The following NF2 variants were observed in gnomAD, a reference collection of about 807,000 sequenced individuals.
NF2 encodes the protein merlin.
In NF2, 8 loss-of-function variants were observed where a neutral mutation model predicts 83.7. The observed-to-expected ratio is 0.10, with a 90% CI of 0.06 to 0.17. The LOEUF (loss-of-function observed/expected upper bound fraction) is 0.17. Among genes scored for constraint, NF2 ranks in the 10% least tolerant of loss-of-function variants. The probability of loss-of-function intolerance (pLI) is 1.00; values close to 1 mark genes in which losing one functional copy is unlikely to be tolerated. For synonymous variants in NF2, 266 were observed against 269.6 expected (o/e 0.99, Z 0.13); for missense variants, 533 against 744.4 (o/e 0.72, Z 3.31).
intron 1 of NF2, among the ~76,000 whole-genome samples, chr22:29,613,982 C>T (rs2065019565): frequency 6.6e-6 from 1 of 151,032 alleles, no homozygotes; most frequent in African/African-American, 2.4e-5. Flanking sequence ...TAGTCTCGAA[C>T]TCCTGACCTC....
rs1333389416 is a variant in NF2, at chr22:29,603,828, G to C, written c.-171G>C. Reference sequence around the variant, plus strand: ...CCAACTCCCCTTTCCGCTCAGGCAGGGTCCTCGCGGCCCATGCTGGCCGCT... The same window carrying C: ...CCAACTCCCCTTTCCGCTCAGGCAGCGTCCTCGCGGCCCATGCTGGCCGCT... On this transcript the variant is annotated 5_prime_UTR_variant, in exon 1 of 16. Coordinates refer to ENST00000338641, the MANE Select transcript of NF2 (RefSeq NM_000268.4). 3.4e-6 allele frequency: 2 copies of C among 591,092 alleles called. No individual in the cohort carries two copies. The highest frequency in any genetic ancestry group is 1.9e-5 in the African/African-American group (1 of 52,332). The allele number at this position is 591,092 out of a possible 1,614,324, so 36.6% of individuals were successfully genotyped here. A position where few individuals can be genotyped will look rare whatever the true frequency, so the allele number is the denominator to read the frequency against.
intron 1 of NF2, among the ~76,000 whole-genome samples, chr22:29,625,031 C>T (rs1447534715): frequency 6.6e-6 from 1 of 151,628 alleles, no homozygotes; most frequent in Non-Finnish European, 1.5e-5. Flanking sequence ...CTCTGCCTCC[C>T]AGGTTTAAGC....
rs539196092 is a variant in NF2 at position 29,683,281 on chromosome 22, T to C, written c.1737+1680T>C. ...CCAGGGCCCCAGAAGACTGCCTCGTTCCGAAGAGCATGTCATGGGGCTGTA... is the reference window on the plus strand; with the variant it reads ...CCAGGGCCCCAGAAGACTGCCTCGTCCCGAAGAGCATGTCATGGGGCTGTA... On this transcript the variant is annotated intron_variant, in intron 15 of 15. Coordinates refer to ENST00000338641, the MANE Select transcript of NF2 (RefSeq NM_000268.4). 17 of 1,460,614 alleles carry C rather than the reference T, an allele frequency of 1.2e-5. No individual in the cohort carries two copies. The African/African-American group carries it at 2.0e-4, about 17-fold the overall frequency. 90.5% of individuals were successfully genotyped at this position (1,460,614 alleles called of 1,614,324 possible).
At chr22:29,676,967 A>C (rs1401376700) in intron 13 of NF2, among the ~76,000 whole-genome samples, 1 of 152,178 alleles carries the variant, frequency 6.6e-6, no homozygotes, top group African/African-American at 2.4e-5. Context: ...AGATCAGAAA[A>C]CAGGACATCC....
At chr22:29,649,266 G>A (rs371783953) in intron 4 of NF2, among the ~76,000 whole-genome samples, 2 of 152,198 alleles carry the variant, frequency 1.3e-5, no homozygotes, top group African/African-American at 2.4e-5. Flanking sequence ...GCCAGGGAAA[G>A]GGAGAAGGAG....
At chr22:29,690,903 C>A (rs1435264969) in intron 15 of NF2, among the ~76,000 whole-genome samples, 1 of 152,188 alleles carries the variant, frequency 6.6e-6, no homozygotes, top group Non-Finnish European at 1.5e-5. Flanking sequence ...GGCTGCGGGA[C>A]TCCCATGGTT....
intron 1 of NF2, among the ~76,000 whole-genome samples, chr22:29,623,198 G>T (rs543375693): frequency 2.0e-5 from 3 of 152,234 alleles, no homozygotes; most frequent in African/African-American, 7.2e-5. Context: ...TTCCGCCTCA[G>T]CCTCTCAAAG....
At chr22:29,622,725 T>C (rs1272694720) in intron 1 of NF2, among the ~76,000 whole-genome samples, 1 of 141,658 alleles carries the variant, frequency 7.1e-6, no homozygotes, top group African/African-American at 2.6e-5. Flanking sequence ...GCGTGATCTC[T>C]GCTCACTGCA....
chr22:29,639,240 TC>T, intron 3 of NF2, 28 bp downstream of exon 3: 1 of 1,613,754 alleles, frequency 6.2e-7, no homozygotes, highest in Non-Finnish European at 8.5e-7. Context: ...ACCCCCCAGT[TC>T]TGAGAGAACT....
At position 29,694,847 on chromosome 22, in the gene NF2, G is replaced by A. The variant is rs377393360; in HGVS notation, c.*45G>A. The stretch of plus-strand genomic sequence containing the variant: ...AGGACCTGCCACTTCTCCTGCTACC[G>A]GGACCGCGGGATGGACCAGATATCA... On this transcript the variant is annotated 3_prime_UTR_variant, in exon 16 of 16. Transcript: ENST00000338641. This position sits in a 1 kb window ranked among gnomAD's most constrained non-coding sequence, Gnocchi z 4.1. The A allele has an allele frequency of 4.0e-5, 64 of 1,590,326 alleles. No individual in the cohort carries two copies. The highest frequency in any genetic ancestry group is 4.7e-5 in the Non-Finnish European group (55 of 1,163,852).
intron 1 of NF2, among the ~76,000 whole-genome samples, chr22:29,615,689 T>TGTGGTGA (rs1211035930): frequency 2.6e-5 from 4 of 152,124 alleles, no homozygotes; most frequent in Non-Finnish European, 5.9e-5. Flanking sequence ...TAGCTGTGAT[T>TGTGGTGA]GTGGTGCTAT....
intron 14 of NF2, among the ~76,000 whole-genome samples, chr22:29,679,088 A>G (rs116918848): frequency 0.012 from 1,891 of 152,334 alleles, 18 homozygotes; most frequent in Non-Finnish European, 0.019. Context: ...GCTAACTTAC[A>G]AACATCAAAA....
chr22:29,665,036 A>C lies in NF2; in HGVS notation c.857A>C (p.Asn286Thr). 6.2e-7 allele frequency: 1 copy of C among 1,613,774 alleles called. No homozygotes were observed. The highest frequency in any genetic ancestry group is 8.5e-7 in the Non-Finnish European group (1 of 1,179,740). The stretch of plus-strand genomic sequence containing the variant: ...AAGAAAATTGATGTCTTCAAGTTTA[A>C]CTCCTCAAAGCTTCGTGTTAATAAG... The part of the protein sequence containing the change: ...LDKKIDVFKF[N>T]SSKLRVNKLI... Residue 286 changes from asparagine to threonine, a missense_variant, in exon 9 of 16, where the codon AAC (asparagine) becomes ACC (threonine). Asn to Thr is a moderately conservative substitution (Grantham distance 65, BLOSUM62 0). Coordinates refer to ENST00000338641, the MANE Select transcript of NF2 (RefSeq NM_000268.4).
chr22:29,613,629 T>C (rs545533012), intron 1 of NF2, among the ~76,000 whole-genome samples: 1 of 152,198 alleles, frequency 6.6e-6, no homozygotes, highest in African/African-American at 2.4e-5. Context: ...CCCAGTGGAA[T>C]AGAGTTGAGA....
intron 7 of NF2, 58 bp downstream of exon 7, chr22:29,658,322 G>A (rs2146991841): frequency 7.0e-7 from 1 of 1,432,298 alleles, no homozygotes. Context: ...GTGAGGGCCA[G>A]ACTGCTAAAA....
chr22:29,655,556 C>A lies in NF2; in HGVS notation c.517-38C>A, dbSNP rs2066276104. 4.1e-6 allele frequency: 6 copies of A among 1,462,190 alleles called. No individual in the cohort carries two copies. The East Asian group carries it at 1.1e-4, about 28-fold the overall frequency. 90.6% of individuals were successfully genotyped at this position (1,462,190 alleles called of 1,614,324 possible). ...GTGGCAAACAATACCAAATTTACTT[C>A]ATGTGTAGGTTTTTTATTTTGCTCT... On this transcript the variant is annotated intron_variant, in intron 5 of 15. Transcript: ENST00000338641.
intron 1 of NF2, among the ~76,000 whole-genome samples, chr22:29,616,297 A>G (rs1202735267): frequency 1.3e-5 from 2 of 152,202 alleles, no homozygotes; most frequent in African/African-American, 4.8e-5. Context: ...ATACACTTTA[A>G]ATGGGTGAAT....
At chr22:29,627,642 C>T (rs574477976) in intron 1 of NF2, among the ~76,000 whole-genome samples, 1 of 152,288 alleles carries the variant, frequency 6.6e-6, no homozygotes, top group South Asian at 2.1e-4. Context: ...TGCTGGGTTC[C>T]TCCCGCTCCC....
chr22:29,655,754 A>G (rs1420236864), intron 6 of NF2, 78 bp downstream of exon 6: 2 of 1,136,552 alleles, frequency 1.8e-6, no homozygotes, highest in Non-Finnish European at 2.6e-6. Flanking sequence ...CTGCAAAACT[A>G]GGACATGCTT....
Sources: allele counts gnomAD v4.1 joint callset (sites outside exome capture counted in the v4.1 genomes callset), GRCh38; gene constraint gnomAD v4.1.1; non-coding constraint Gnocchi (gnomAD v3.1); transcripts MANE v1.5; gene names NCBI Gene and HGNC (gene_info 2026-07-23, HGNC 2026-07-21).